Variants in KLKB1 observed in about 807,000 individuals in gnomAD.
KLKB1 encodes the protein plasma kallikrein.
KLKB1 carries 58 observed loss-of-function variants against 73.6 expected under a neutral mutation model. That is an observed-to-expected ratio of 0.79 (90% CI 0.64 to 0.98). The LOEUF is 0.98. Among genes scored for constraint, KLKB1 ranks in the 50% least tolerant of loss-of-function variants. KLKB1 has a pLI of 0.00. For synonymous variants in KLKB1, 280 were observed against 258.1 expected, an observed-to-expected ratio of 1.08 and a Z score of -0.81; for missense variants, 737 against 763.8, an observed-to-expected ratio of 0.96 and a Z score of 0.41.
chr4:186,232,033 A>T, intron 2 of KLKB1, 94 bp from the exon 3 acceptor site: 2 of 937,134 alleles, frequency 2.1e-6, no homozygotes, highest in Non-Finnish European at 1.6e-6. Context: ...GTCTTTGAGT[A>T]GTCAGTCAGT....
intron 12 of KLKB1, 24 bp downstream of exon 12, chr4:186,254,787 G>GGAGA (rs1320471903): frequency 6.3e-7 from 1 of 1,594,450 alleles, no homozygotes; most frequent in African/African-American, 1.3e-5. Flanking sequence ...GTAAGAAGGT[G>GGAGA]GAGAGCAGAA....
chr4:186,225,415 G>A (rs1377626584), upstream of KLKB1, among the ~76,000 whole-genome samples: 1 of 140,600 alleles, frequency 7.1e-6, no homozygotes, highest in Non-Finnish European at 1.5e-5. Context: ...TTGTCATGGT[G>A]AGGATTTCTT....
chr4:186,213,524 T>G (rs11936581), intron 2 of KLKB1: 1 of 152,162 alleles, frequency 6.6e-6, no homozygotes, highest in Non-Finnish European at 1.5e-5. Flanking sequence ...CATAGAGAGA[T>G]TGTGAATTTC....
intron 6 of KLKB1, among the ~76,000 whole-genome samples, chr4:186,241,742 C>G (rs1007277969): frequency 6.6e-6 from 1 of 152,036 alleles, no homozygotes; most frequent in African/African-American, 2.4e-5. Flanking sequence ...ATAAACGAAG[C>G]TGGTTGATAA....
At chr4:186,253,646 T>TA (rs1738828564) in intron 11 of KLKB1, among the ~76,000 whole-genome samples, 1 of 151,284 alleles carries the variant, frequency 6.6e-6, no homozygotes, top group Non-Finnish European at 1.5e-5. Context: ...CTCCATCATT[T>TA]TTCTAGAATT....
chr4:186,235,865 C>T (rs1389202919), intron 4 of KLKB1, among the ~76,000 whole-genome samples: 1 of 151,898 alleles, frequency 6.6e-6, no homozygotes, highest in African/African-American at 2.4e-5. Flanking sequence ...CCTGTAATCC[C>T]AGCACTTTGG....
chr4:186,232,064 A>G (rs1232092366), intron 2 of KLKB1, 63 bp from the exon 3 acceptor site: 3 of 1,355,744 alleles, frequency 2.2e-6, no homozygotes, highest in Non-Finnish European at 3.1e-6. Context: ...AAGACAACAG[A>G]TATCTTTTTA....
chr4:186,238,743 A>G (rs1009281695), intron 6 of KLKB1, among the ~76,000 whole-genome samples: 7 of 152,214 alleles, frequency 4.6e-5, no homozygotes, highest in Non-Finnish European at 8.8e-5. Context: ...AGCGTCCTGG[A>G]GGAAGAAGCC....
At chr4:186,251,062 T>G (rs1738643628) in intron 7 of KLKB1, 157 bp from the exon 8 acceptor site, 2 of 618,322 alleles carry the variant, frequency 3.2e-6, no homozygotes, top group Non-Finnish European at 5.7e-6. Flanking sequence ...TCTCTGCAAT[T>G]TATTAGAGTC....
At chr4:186,216,919 C>T (rs1421183036) in intron 2 of KLKB1, among the ~76,000 whole-genome samples, 1 of 152,184 alleles carries the variant, frequency 6.6e-6, no homozygotes, top group Admixed American at 6.5e-5. Flanking sequence ...TGGCACAAAG[C>T]CAAGTGTTTA....
chr4:186,242,858 T>C (rs1002350883), intron 6 of KLKB1, among the ~76,000 whole-genome samples: 4 of 150,338 alleles, frequency 2.7e-5, no homozygotes, highest in African/African-American at 9.8e-5. Context: ...TGGTGAGGGG[T>C]ATGAAGGTTT....
At chr4:186,255,605 G>C (rs1580044301) in intron 12 of KLKB1, among the ~76,000 whole-genome samples, 1 of 152,158 alleles carries the variant, frequency 6.6e-6, no homozygotes, top group Non-Finnish European at 1.5e-5. Flanking sequence ...TCTGTAAAAT[G>C]AGGATGATAA....
At position 186,232,309 on chromosome 4, in the gene KLKB1, T is replaced by C. The variant is rs369855039; in HGVS notation, c.221+20T>C. On this transcript the variant is annotated intron_variant, in intron 3 of 14. Coordinates refer to ENST00000264690, the MANE Select transcript of KLKB1 (RefSeq NM_000892.5). ...GAAAAGGTAAAAGTTGGTATTTCAT[T>C]ATTGGAGAAGCTGTTTTTCAAAACT... The C allele has an allele frequency of 1.2e-6, 2 of 1,609,912 alleles. No homozygotes were observed. The highest frequency in any genetic ancestry group is 1.7e-6 in the Non-Finnish European group (2 of 1,176,240).
chr4:186,235,939 C>G (rs1737645586), intron 4 of KLKB1, among the ~76,000 whole-genome samples: 1 of 151,648 alleles, frequency 6.6e-6, no homozygotes, highest in South Asian at 2.1e-4. Flanking sequence ...CACGGTGAAA[C>G]CCCGTCTCTA....
intron 2 of KLKB1, chr4:186,211,632 A>G (rs1042789464): frequency 6.1e-5 from 9 of 148,116 alleles, no homozygotes; most frequent in African/African-American, 2.2e-4. Context: ...GAATTTTTTA[A>G]AGGTATTCAT....
intron 6 of KLKB1, among the ~76,000 whole-genome samples, chr4:186,249,304 T>C (rs1000571015): frequency 6.6e-6 from 1 of 152,212 alleles, no homozygotes; most frequent in African/African-American, 2.4e-5. Flanking sequence ...ATTTAGGCAT[T>C]TGATGCATTT....
chr4:186,213,196 G>A (rs150772109), intron 2 of KLKB1: 1 of 152,324 alleles, frequency 6.6e-6, no homozygotes, highest in Non-Finnish European at 1.5e-5. Flanking sequence ...CTATGACAGA[G>A]TAGGAATTGA....
chr4:186,223,603 A>G (rs184309671), upstream of KLKB1, among the ~76,000 whole-genome samples: 62 of 152,312 alleles, frequency 4.1e-4, 1 homozygote, highest in African/African-American at 1.2e-3. Flanking sequence ...GTCAGAATAA[A>G]TTTCTAAGCA....
rs751612853 is a variant in KLKB1 at position 186,251,317 on chromosome 4, G to T, written c.857G>T (p.Arg286Ile). Residue 286 changes from arginine (R) to isoleucine (I), a missense_variant, in exon 8 of 15, where the codon AGA becomes ATA. By Grantham distance (97) the Arg-to-Ile change is moderately conservative. Coordinates refer to ENST00000264690, the MANE Select transcript of KLKB1 (RefSeq NM_000892.5). ...ISGYSLLTCK[R>I]TLPEPCHSKI... Reference sequence around the variant, plus strand: ...GGATATAGCCTTTTAACCTGCAAAAGAACTTTACCTGGTAATGTGATTTGA... The same window carrying T: ...GGATATAGCCTTTTAACCTGCAAAATAACTTTACCTGGTAATGTGATTTGA... 2.1e-5 allele frequency: 34 copies of T among 1,600,476 alleles called. No homozygotes were observed. The highest frequency in any genetic ancestry group is 2.7e-5 in the Non-Finnish European group (31 of 1,167,876).
Sources: allele counts gnomAD v4.1 joint callset (sites outside exome capture counted in the v4.1 genomes callset), GRCh38; gene constraint gnomAD v4.1.1; transcripts MANE v1.5; gene names NCBI Gene and HGNC (gene_info 2026-07-23, HGNC 2026-07-21).